Variants in VASH2 observed in about 807,000 individuals in gnomAD.
VASH2 encodes tubulinyl-Tyr carboxypeptidase 2.
VASH2 carries 28 observed loss-of-function variants against 37.2 expected under a neutral mutation model. The observed-to-expected ratio is 0.75, with a 90% CI of 0.56 to 1.03. The LOEUF is 1.03. VASH2 is among the 50% of genes least tolerant of loss of function. VASH2 has a pLI of 0.00. For missense variants in VASH2, 419 were observed against 459.1 expected, an observed-to-expected ratio of 0.91 and a Z score of 0.80; for synonymous variants, 188 against 174.7, an observed-to-expected ratio of 1.08 and a Z score of -0.60.
At chr1:212,976,430 C>T (rs1667173995) in intron 7 of VASH2, among the ~76,000 whole-genome samples, 2 of 152,026 alleles carry the variant, frequency 1.3e-5, no homozygotes, top group African/African-American at 4.8e-5. Flanking sequence ...ACAACAACAA[C>T]AAATTAGCCA....
chr1:212,970,295 A>G (rs1666971016), intron 5 of VASH2, among the ~76,000 whole-genome samples: 1 of 152,156 alleles, frequency 6.6e-6, no homozygotes, highest in African/African-American at 2.4e-5. Context: ...ACCAGTTGAC[A>G]TCATGATGGG....
In VASH2 at chr1:212,973,571, G is replaced by A. The variant is rs1395043567; in HGVS notation, c.880-384G>A. ...CCATTCTGTCATATGTGTGGGATGG[G>A]AGCATCAGAGGAAGAACAGGCTGGT... On this transcript the variant is annotated intron_variant, in intron 6 of 7. Coordinates refer to ENST00000517399, the MANE Select transcript of VASH2 (RefSeq NM_001301056.2). 1.1e-5 allele frequency: 14 copies of A among 1,267,778 alleles called. No homozygotes were observed. In the South Asian group the frequency reaches 1.8e-4, roughly 17 times the overall value. The allele number at this position is 1,267,778 out of a possible 1,614,324, so 78.5% of individuals were successfully genotyped here.
chr1:212,967,304 T>C, intron 5 of VASH2: 13 of 1,250,160 alleles, frequency 1.0e-5, no homozygotes, highest in Non-Finnish European at 1.3e-5. Flanking sequence ...TCGAGCATCA[T>C]GCCATTGGAA....
intron 3 of VASH2, among the ~76,000 whole-genome samples, chr1:212,965,161 T>C (rs905021288): frequency 2.6e-5 from 4 of 152,190 alleles, no homozygotes; most frequent in African/African-American, 7.2e-5. Context: ...CCTCAGGTGA[T>C]CCACCCACCT....
chr1:212,973,923 C>A (rs759231675), intron 6 of VASH2, 32 bp from the exon 7 acceptor site: 2 of 1,606,180 alleles, frequency 1.2e-6, no homozygotes, highest in Non-Finnish European at 1.7e-6. Context: ...CCCTTAGGAA[C>A]CAGGGTGATT....
chr1:212,969,502 C>CT (rs980285317), intron 5 of VASH2, among the ~76,000 whole-genome samples: 1 of 149,116 alleles, frequency 6.7e-6, no homozygotes, highest in African/African-American at 2.5e-5. Flanking sequence ...GGCCCGAATT[C>CT]TTTTTTTGAG....
intron 2 of VASH2, among the ~76,000 whole-genome samples, chr1:212,952,977 G>T (rs1666368811): frequency 6.6e-6 from 1 of 152,192 alleles, no homozygotes; most frequent in Non-Finnish European, 1.5e-5. Context: ...AATCTTGCCT[G>T]CTTTAGTGTC....
At chr1:212,986,507 T>C (rs551678065) in intron 7 of VASH2, among the ~76,000 whole-genome samples, 1 of 152,358 alleles carries the variant, frequency 6.6e-6, no homozygotes, top group African/African-American at 2.4e-5. Context: ...ACCCTAGTTC[T>C]GTCCACATTA....
At chr1:212,956,985 T>TC (rs1295721105) in intron 2 of VASH2, among the ~76,000 whole-genome samples, 2 of 152,186 alleles carry the variant, frequency 1.3e-5, no homozygotes, top group African/African-American at 4.8e-5. Context: ...TTTTTCATCT[T>TC]CCTAACTGAA....
chr1:212,955,104 TACTG>T (rs1666443358), intron 2 of VASH2, among the ~76,000 whole-genome samples: 1 of 152,156 alleles, frequency 6.6e-6, no homozygotes, highest in Non-Finnish European at 1.5e-5. Context: ...ATCAATATCT[TACTG>T]AGGAATTTGT....
At chr1:212,981,695 T>C (rs1667343242) in intron 7 of VASH2, among the ~76,000 whole-genome samples, 1 of 152,166 alleles carries the variant, frequency 6.6e-6, no homozygotes, top group Non-Finnish European at 1.5e-5. Flanking sequence ...TGTTTCTGTG[T>C]GAGGGTGAGC....
chr1:212,972,836 G>A lies in VASH2; in HGVS notation c.754G>A (p.Val252Ile), dbSNP rs547668925. 28 of 1,614,006 alleles carry A rather than the reference G, an allele frequency of 1.7e-5. No individual in the cohort carries two copies. In the South Asian group the frequency reaches 1.9e-4, roughly 11 times the overall value. The change falls in exon 6 of 8, where the codon GTC (valine) becomes ATC (isoleucine). Residue 252 changes from valine to isoleucine, a missense_variant. Physicochemically the swap from Val to Ile is conservative, Grantham distance 29. Around this residue, in one of 3 missense-constraint regions of VASH2, gnomAD observed 177 missense variants for 166.2 expected, o/e 1.06. Coordinates refer to ENST00000517399, the MANE Select transcript of VASH2 (RefSeq NM_001301056.2). ...CAAGAAGGTCAAGATTGGGCTGTAC[G>A]TCCCCCATGAGCCTCATAGCTTCCA... ...TVKKVKIGLY[V>I]PHEPHSFQPI... is the part of the protein sequence containing the mutation.
intron 3 of VASH2, among the ~76,000 whole-genome samples, chr1:212,962,851 C>A (rs1404990130): frequency 6.6e-6 from 1 of 152,232 alleles, no homozygotes; most frequent in African/African-American, 2.4e-5. Context: ...GGGAGTTCCA[C>A]ATGGTCCCAA....
chr1:212,961,459 C>T, intron 3 of VASH2: 1 of 1,085,412 alleles, frequency 9.2e-7, no homozygotes, highest in Non-Finnish European at 1.3e-6. Context: ...CAGGCTGGTT[C>T]CCCTTGAGCC....
chr1:212,970,425 T>C (rs889630831), intron 5 of VASH2, among the ~76,000 whole-genome samples: 1 of 152,248 alleles, frequency 6.6e-6, no homozygotes, highest in Non-Finnish European at 1.5e-5. Flanking sequence ...GTTACTCTGC[T>C]GAGGCCCCTC....
chr1:212,988,678 A>G lies in VASH2; in HGVS notation c.*94A>G. On this transcript the variant is annotated 3_prime_UTR_variant, in exon 8 of 8. Coordinates refer to ENST00000517399, the MANE Select transcript of VASH2 (RefSeq NM_001301056.2). Reference sequence around the variant, plus strand: ...GAGGAACTGCAACTATTTATTAAGAACTTGTGAATTTTATTTTTAAGGATT... The same window carrying G: ...GAGGAACTGCAACTATTTATTAAGAGCTTGTGAATTTTATTTTTAAGGATT... 1 of 1,287,994 alleles carries G rather than the reference A, an allele frequency of 7.8e-7. No individual in the cohort carries two copies. The highest frequency in any genetic ancestry group is 1.1e-6 in the Non-Finnish European group (1 of 899,820). 79.8% of individuals were successfully genotyped at this position (1,287,994 alleles called of 1,614,324 possible).
intron 2 of VASH2, among the ~76,000 whole-genome samples, chr1:212,958,097 G>A (rs1313588265): frequency 6.6e-6 from 1 of 152,198 alleles, no homozygotes; most frequent in East Asian, 1.9e-4. Context: ...GCAGAGCAGG[G>A]CTTTGGACCT....
At chr1:212,983,232 G>A (rs1372688095) in intron 7 of VASH2, among the ~76,000 whole-genome samples, 1 of 152,190 alleles carries the variant, frequency 6.6e-6, no homozygotes, top group Non-Finnish European at 1.5e-5. Flanking sequence ...TGGAACAGAT[G>A]TTGTCTTAGT....
At chr1:212,965,142 A>G (rs529875412) in intron 3 of VASH2, among the ~76,000 whole-genome samples, 3 of 152,214 alleles carry the variant, frequency 2.0e-5, no homozygotes, top group Non-Finnish European at 4.4e-5. Flanking sequence ...GCTGGTGTCG[A>G]ACTCCTGACC....
Sources: gnomAD v4.1 joint callset for allele counts (sites outside exome capture counted in the v4.1 genomes callset) on GRCh38, gnomAD v4.1.1 for gene constraint, gnomAD v4.1.1 regional missense constraint, MANE v1.5 for transcripts, NCBI Gene and HGNC (gene_info 2026-07-23, HGNC 2026-07-21) for gene names.